The following CIMAP1A variants were observed in gnomAD, a reference collection of about 807,000 sequenced individuals.
CIMAP1A encodes the protein ciliary microtubule associated protein 1A.
At chr11:197,833 C>A in the CIMAP1A span, 2 of 1,553,328 alleles carry the variant, frequency 1.3e-6, no homozygotes, top group South Asian at 2.4e-5. Flanking sequence ...GTGCCCCTAA[C>A]CTCATGTCAG....
chr11:197,649 A>G, the CIMAP1A span: 1 of 1,613,540 alleles, frequency 6.2e-7, no homozygotes, highest in East Asian at 2.2e-5. Context: ...ACTGCTCCCC[A>G]GGGCCCCGTT....
the CIMAP1A span, chr11:199,247 T>C: frequency 6.7e-7 from 1 of 1,486,954 alleles, no homozygotes; most frequent in Non-Finnish European, 9.0e-7. Flanking sequence ...GAAGGGGACC[T>C]TGATGCACGG....
the CIMAP1A span, chr11:198,162 C>G: frequency 6.2e-7 from 1 of 1,602,054 alleles, no homozygotes; most frequent in Non-Finnish European, 8.5e-7. Flanking sequence ...GCATACCCAC[C>G]TGCTTGTCCC....
At chr11:199,244 A>G in the CIMAP1A span, 2 of 1,484,180 alleles carry the variant, frequency 1.3e-6, no homozygotes, top group Non-Finnish European at 1.8e-6. Flanking sequence ...ACAGAAGGGG[A>G]CCTTGATGCA....
At chr11:199,888 A>C in the CIMAP1A span, 13 of 1,601,000 alleles carry the variant, frequency 8.1e-6, no homozygotes, top group Non-Finnish European at 1.0e-5. Flanking sequence ...GCCAGGGCAG[A>C]GACCTGCAGG....
chr11:198,618 AC>A, the CIMAP1A span: 1 of 1,571,990 alleles, frequency 6.4e-7, no homozygotes, highest in Non-Finnish European at 8.6e-7. Flanking sequence ...ACAGAGAATC[AC>A]CCCCAACCAT....
the CIMAP1A span, chr11:198,714 G>C: frequency 6.7e-7 from 1 of 1,485,088 alleles, no homozygotes; most frequent in Non-Finnish European, 8.9e-7. Context: ...TTCACCCTCT[G>C]GGCACCTGCC....
chr11:198,598 C>G, the CIMAP1A span: 2 of 1,595,534 alleles, frequency 1.3e-6, no homozygotes, highest in South Asian at 2.2e-5. Flanking sequence ...AAGGGCCACC[C>G]CAACTGAGAA....
chr11:198,814 A>C, the CIMAP1A span: 1 of 1,400,734 alleles, frequency 7.1e-7, no homozygotes, highest in Admixed American at 3.2e-5. Context: ...CGTGCTGAGG[A>C]CAAGAGATGG....
the CIMAP1A span, chr11:197,362 A>G: frequency 6.3e-7 from 1 of 1,598,406 alleles, no homozygotes; most frequent in Non-Finnish European, 8.5e-7. Flanking sequence ...GGGACCCATC[A>G]TGGCCCTCTA....
the CIMAP1A span, chr11:197,202 T>G: frequency 1.3e-6 from 1 of 756,540 alleles, no homozygotes; most frequent in Non-Finnish European, 2.1e-6. Flanking sequence ...GTCTTACCCT[T>G]CAGTGTCAGC....
the CIMAP1A span, chr11:197,652 G>A: frequency 2.2e-5 from 36 of 1,613,502 alleles, no homozygotes; most frequent in Middle Eastern, 3.3e-4. Flanking sequence ...GCTCCCCAGG[G>A]CCCCGTTACA....
chr11:198,981 A>T, the CIMAP1A span: 15 of 1,190,852 alleles, frequency 1.3e-5, no homozygotes, highest in Non-Finnish European at 1.4e-5. Context: ...CACATGCCTG[A>T]GAGCTTGAGG....
chr11:197,522 G>C, the CIMAP1A span: 1 of 1,604,850 alleles, frequency 6.2e-7, no homozygotes, highest in Non-Finnish European at 8.5e-7. Context: ...AGAAGGGCAG[G>C]TCAGGCTCCG....
At chr11:199,036 T>A in the CIMAP1A span, 1 of 1,224,042 alleles carries the variant, frequency 8.2e-7, no homozygotes, top group Non-Finnish European at 1.0e-6. Context: ...ACAGCCCTCG[T>A]CCATGTTGAT....
the CIMAP1A span, chr11:197,887 A>G: frequency 6.7e-7 from 1 of 1,489,092 alleles, no homozygotes; most frequent in African/African-American, 1.4e-5. Flanking sequence ...CTCCCGTCCC[A>G]TCTTTCTCTC....
At chr11:198,729 G>A in the CIMAP1A span, 4 of 1,469,470 alleles carry the variant, frequency 2.7e-6, no homozygotes, top group Non-Finnish European at 3.6e-6. Context: ...CCTGCCACGT[G>A]CTGGGGTTAC....
the CIMAP1A span, chr11:197,764 T>C: frequency 7.4e-6 from 12 of 1,612,812 alleles, no homozygotes; most frequent in South Asian, 1.3e-4. Context: ...TGGTCCAGGT[T>C]AGTGACCCTG....
the CIMAP1A span, chr11:199,589 G>T: frequency 6.7e-7 from 1 of 1,494,546 alleles, no homozygotes; most frequent in Admixed American, 2.2e-5. Context: ...AGAGCAGGGA[G>T]GGGGGCTGGG....
Sources: allele counts gnomAD v4.1 joint callset, GRCh38; gene constraint gnomAD v4.1.1; transcripts MANE v1.5; gene names NCBI Gene and HGNC (gene_info 2026-07-23, HGNC 2026-07-21).